TRAPPC9: variants seen among roughly 807,000 people sequenced by gnomAD.
TRAPPC9 encodes IKK2 binding protein.
In TRAPPC9, 83 loss-of-function variants were observed where a neutral mutation model predicts 124.0. The observed-to-expected ratio is 0.67, with a 90% CI of 0.56 to 0.80. The LOEUF (loss-of-function observed/expected upper bound fraction) is 0.80. TRAPPC9 is among the 30% of genes least tolerant of loss of function. The pLI, the probability that TRAPPC9 is intolerant of heterozygous loss-of-function variation, is 0.00. For synonymous variants in TRAPPC9, 638 were observed against 617.5 expected, an observed-to-expected ratio of 1.03 and a Z score of -0.49; for missense variants, 1,302 against 1,508.3, an observed-to-expected ratio of 0.86 and a Z score of 2.27.
intron 21 of TRAPPC9, among the ~76,000 whole-genome samples, chr8:139,765,744 T>C (rs1820544480): frequency 2.0e-5 from 3 of 151,776 alleles, no homozygotes; most frequent in Admixed American, 2.0e-4. Context: ...ACCATAGGAG[T>C]GGACACACAG....
At chr8:140,381,770 C>T (rs1246134497) in intron 7 of TRAPPC9, among the ~76,000 whole-genome samples, 1 of 151,836 alleles carries the variant, frequency 6.6e-6, no homozygotes, top group Non-Finnish European at 1.5e-5. Flanking sequence ...CACTTCACAC[C>T]CACTAGAATG....
At position 140,257,783 on chromosome 8, in the gene TRAPPC9, CTGG is replaced by C. The variant is rs1382035086; in HGVS notation, c.2279-4857_2279-4855del. Among the ~76,000 whole-genome samples the C allele has an allele frequency of 6.6e-6, 1 of 152,140 alleles. No individual in the cohort carries two copies. Among genetic ancestry groups the C allele is most frequent in the Non-Finnish European group, 1.5e-5 (1 of 68,030 alleles). On this transcript the variant is annotated intron_variant, in intron 15 of 22. Coordinates refer to ENST00000438773, the MANE Select transcript of TRAPPC9 (RefSeq NM_001160372.4). This position sits in a 1 kb window ranked among gnomAD's most constrained non-coding sequence, Gnocchi z 4.6. ...AACCATCCCAGCCCTTGTTCTTAGG[CTGG>C]AAGCCCTCCCGCCATGCCTGCAAAC...
intron 15 of TRAPPC9, among the ~76,000 whole-genome samples, chr8:140,261,024 C>G (rs1160224960): frequency 1.3e-5 from 2 of 152,220 alleles, no homozygotes; most frequent in Non-Finnish European, 2.9e-5. Context: ...ATCTTACCAG[C>G]TCTTTGAACA....
rs536077139 is a variant in TRAPPC9, at chr8:140,297,007, G to A, written c.1768+3462C>T. Among the ~76,000 whole-genome samples, 261 of 152,326 alleles carry A rather than the reference G, an allele frequency of 1.7e-3. 2 individuals are homozygous for A. Among genetic ancestry groups the A allele is most frequent in the Middle Eastern group, 6.8e-3 (2 of 294 alleles). ...TGAGGGTGGCCTGCCCATCCCCACGGAGCTCGGAAGACGCCCTCCAGAGAG... is the reference window on the plus strand; with the variant it reads ...TGAGGGTGGCCTGCCCATCCCCACGAAGCTCGGAAGACGCCCTCCAGAGAG... On this transcript the variant is annotated intron_variant, in intron 11 of 22. Transcript: ENST00000438773.
chr8:140,443,893 AGGCGTGGT>A (rs1216308640), intron 2 of TRAPPC9, among the ~76,000 whole-genome samples: 1 of 151,642 alleles, frequency 6.6e-6, no homozygotes, highest in Non-Finnish European at 1.5e-5. Context: ...AAAATTAGCC[AGGCGTGGT>A]GGCGGGCTCC....
intron 19 of TRAPPC9, among the ~76,000 whole-genome samples, chr8:139,941,699 A>C (rs924303419): frequency 5.9e-5 from 9 of 152,230 alleles, no homozygotes; most frequent in African/African-American, 1.9e-4. Flanking sequence ...GTGGCAAGCC[A>C]GTGCTCCCAA....
chr8:139,908,308 C>T (rs537723122), intron 20 of TRAPPC9, among the ~76,000 whole-genome samples: 160 of 152,344 alleles, frequency 1.1e-3, no homozygotes, highest in African/African-American at 3.7e-3. Flanking sequence ...GCATCAGACC[C>T]ATCCAGGACC....
At chr8:139,912,729 T>G (rs1261132824) in intron 19 of TRAPPC9, among the ~76,000 whole-genome samples, 1 of 152,204 alleles carries the variant, frequency 6.6e-6, no homozygotes, top group African/African-American at 2.4e-5. Flanking sequence ...ACCCCTGAGG[T>G]CTGAATTACC....
At chr8:140,152,192 G>A (rs755477785) in intron 17 of TRAPPC9, among the ~76,000 whole-genome samples, 236 of 130,578 alleles carry the variant, frequency 1.8e-3, no homozygotes, top group Non-Finnish European at 2.1e-3. Context: ...TATTCATTAA[G>A]TTAACTATGT....
intron 17 of TRAPPC9, among the ~76,000 whole-genome samples, chr8:140,029,055 A>G (rs544217707): frequency 5.9e-5 from 9 of 152,254 alleles, no homozygotes; most frequent in Non-Finnish European, 1.2e-4. Flanking sequence ...TACAGATCCT[A>G]CAACCATTAA....
At chr8:140,107,506 T>C (rs1276825757) in intron 17 of TRAPPC9, among the ~76,000 whole-genome samples, 1 of 152,188 alleles carries the variant, frequency 6.6e-6, no homozygotes, top group South Asian at 2.1e-4. Flanking sequence ...AAGGATGCTA[T>C]GAAAGGGGCA....
rs142975106 is a variant in TRAPPC9, at chr8:140,172,261, G to T, written c.2556+49198C>A. On this transcript the variant is annotated intron_variant, in intron 17 of 22. Transcript: ENST00000438773. ...GGAGGACTCCCCAGAGACGGGAAGAGATACAATTAAAAGCCAGGATGGTAT... is the reference window on the plus strand; with the variant it reads ...GGAGGACTCCCCAGAGACGGGAAGATATACAATTAAAAGCCAGGATGGTAT... Among the ~76,000 whole-genome samples the T allele has an allele frequency of 7.2e-3, 1,090 of 152,290 alleles. 9 individuals are homozygous for T. Among genetic ancestry groups the T allele is most frequent in the South Asian group, 0.028 (137 of 4,826 alleles).
rs1037344357 is a variant in TRAPPC9 at position 139,875,780 on chromosome 8, G to C, written c.3055+10099C>G. Reference sequence around the variant, plus strand: ...CCCTCAGAGTCAACAAAACCACCCAGTTCACCTGCCCCAGTGGGCGGAGGC... The same window carrying C: ...CCCTCAGAGTCAACAAAACCACCCACTTCACCTGCCCCAGTGGGCGGAGGC... On this transcript the variant is annotated intron_variant, in intron 21 of 22. Transcript: ENST00000438773. Among the ~76,000 whole-genome samples the C allele has an allele frequency of 2.0e-5, 3 of 152,378 alleles. No individual in the cohort carries two copies. The East Asian group carries it at 5.8e-4, about 29-fold the overall frequency.
At chr8:140,455,044 C>T (rs925159612) in intron 1 of TRAPPC9, among the ~76,000 whole-genome samples, 3 of 152,062 alleles carry the variant, frequency 2.0e-5, no homozygotes, top group South Asian at 2.1e-4. Flanking sequence ...CTTGGTAGTT[C>T]CTCCATAGAG....
Position 140,221,536 on chromosome 8 carries a change from C to G in TRAPPC9, c.2479G>C (p.Val827Leu). 1 of 1,614,160 alleles carries G rather than the reference C, an allele frequency of 6.2e-7. No homozygotes were observed. Among genetic ancestry groups the G allele is most frequent in the Non-Finnish European group, 8.5e-7 (1 of 1,180,014 alleles). The change falls in exon 17 of 23, where the codon GTC becomes CTC. Residue 827 changes from valine to leucine, a missense_variant. Val to Leu is a conservative substitution (Grantham distance 32). Around this residue, in one of 3 missense-constraint regions of TRAPPC9, gnomAD observed 640 missense variants for 679.3 expected, o/e 0.94. Transcript: ENST00000438773. ...TTGCCCTCCACTCGGGGCCGAACGA[C>G]CTGCCGAAAAGGACTGGACAGGGGA... is the stretch of plus-strand genomic sequence containing the variant. The part of the protein sequence containing the change: ...GFPLSSPFRQ[V>L]VRPRVEGKPV...
At chr8:139,867,614 C>T (rs746325260) in intron 21 of TRAPPC9, among the ~76,000 whole-genome samples, 22 of 152,190 alleles carry the variant, frequency 1.4e-4, no homozygotes, top group Non-Finnish European at 2.5e-4. Context: ...GATTGTGGGC[C>T]ACCTGATAGA....
At chr8:140,030,387 A>G (rs952095335) in intron 17 of TRAPPC9, among the ~76,000 whole-genome samples, 10 of 152,230 alleles carry the variant, frequency 6.6e-5, no homozygotes, top group Admixed American at 5.9e-4. Context: ...TAAGAAATCT[A>G]CTGGAACTCT....
chr8:140,163,898 T>TC (rs1394091501), intron 17 of TRAPPC9, among the ~76,000 whole-genome samples: 1 of 152,210 alleles, frequency 6.6e-6, no homozygotes, highest in African/African-American at 2.4e-5. Flanking sequence ...GGTTTAGCAT[T>TC]AATTAACAAA....
At chr8:139,920,417 G>C (rs1832436969) in intron 19 of TRAPPC9, among the ~76,000 whole-genome samples, 1 of 152,162 alleles carries the variant, frequency 6.6e-6, no homozygotes, top group South Asian at 2.1e-4. Context: ...TGAAAGACCT[G>C]GTTTCTGCCT....
Sources: gnomAD v4.1 joint callset for allele counts (sites outside exome capture counted in the v4.1 genomes callset) on GRCh38, gnomAD v4.1.1 for gene constraint, gnomAD v4.1.1 regional missense constraint, Gnocchi (gnomAD v3.1) non-coding constraint, MANE v1.5 for transcripts, NCBI Gene and HGNC (gene_info 2026-07-23, HGNC 2026-07-21) for gene names.